The following RNF43 variants were observed in gnomAD, a reference collection of about 807,000 sequenced individuals.
RNF43 encodes the protein E3 ubiquitin-protein ligase RNF43.
RNF43 carries 37 observed loss-of-function variants against 78.4 expected under a neutral mutation model. The ratio of observed to expected loss-of-function variants is 0.47; its 90% CI spans 0.36 to 0.62. The LOEUF (loss-of-function observed/expected upper bound fraction) is 0.62. Ranked by LOEUF, RNF43 falls within the 20% of genes least tolerant of loss-of-function variation. The probability of loss-of-function intolerance (pLI) is 0.00; values close to 1 mark genes in which losing one functional copy is unlikely to be tolerated. For synonymous variants in RNF43, 347 were observed against 395.0 expected, an observed-to-expected ratio of 0.88 and a Z score of 1.44; for missense variants, 774 against 1,007.9, an observed-to-expected ratio of 0.77 and a Z score of 3.14.
rs184604359 is a variant in RNF43, at chr17:58,357,773, C to T, written c.2003G>A (p.Arg668Gln). The change falls in exon 9 of 10, where the codon CGG becomes CAG. Residue 668 changes from arginine (R) to glutamine (Q), a missense_variant. Physicochemically the swap from Arg to Gln is conservative, Grantham distance 43. Coordinates refer to ENST00000407977, the MANE Select transcript of RNF43 (RefSeq NM_017763.6). The surrounding 1 kb of genome is among the most constrained non-coding windows in gnomAD (Gnocchi z 4.5). ...GGPSEPTPGS[R>Q]PQDATVHPAC... The stretch of plus-strand genomic sequence containing the variant: ...TGGGTGCACAGTTGCATCCTGGGGC[C>T]GAGAGCCAGGGGTGGGCTCGGAGGG... The T allele has an allele frequency of 3.0e-5, 49 of 1,613,534 alleles. No homozygotes were observed. In the Admixed American group the frequency reaches 3.2e-4, roughly 10 times the overall value.
chr17:58,381,319 T>C (rs1462195401), intron 2 of RNF43, among the ~76,000 whole-genome samples: 2 of 152,234 alleles, frequency 1.3e-5, no homozygotes, highest in African/African-American at 2.4e-5. Context: ...GTGTTGGAGA[T>C]AGCCCAAGGG....
rs766349819 is a variant in RNF43 at position 58,357,316 on chromosome 17, T to TA, written c.2308+151dup. ...TGTTCCTGCACTCTAGCCAGCATGATACGCTGTCCCGATGGTTAAGTATTT... is the reference window on the plus strand; with the variant it reads ...TGTTCCTGCACTCTAGCCAGCATGATAACGCTGTCCCGATGGTTAAGTATTT... On this transcript the variant is annotated intron_variant, in intron 9 of 9. Transcript: ENST00000407977. The surrounding 1 kb of genome is among the most constrained non-coding windows in gnomAD (Gnocchi z 4.5). The TA allele has an allele frequency of 5.2e-6, 5 of 965,074 alleles. No homozygotes were observed. The highest frequency in any genetic ancestry group is 2.7e-5 in the South Asian group (2 of 74,296). The allele number at this position is 965,074 out of a possible 1,614,324, so 59.8% of individuals were successfully genotyped here. A position where few individuals can be genotyped will look rare whatever the true frequency, so the allele number is the denominator to read the frequency against.
intron 3 of RNF43, among the ~76,000 whole-genome samples, chr17:58,368,278 T>C (rs2143497867): frequency 6.6e-6 from 1 of 152,328 alleles, no homozygotes; most frequent in East Asian, 1.9e-4. Flanking sequence ...CTGGGTGCAG[T>C]GGCTCATGCC....
intron 2 of RNF43, among the ~76,000 whole-genome samples, chr17:58,376,956 T>A (rs770668628): frequency 6.6e-6 from 1 of 152,172 alleles, no homozygotes; most frequent in Non-Finnish European, 1.5e-5. Context: ...GCATACATAT[T>A]TTATACCCCC....
intron 2 of RNF43, among the ~76,000 whole-genome samples, chr17:58,409,371 T>G (rs1228537478): frequency 6.6e-6 from 1 of 152,156 alleles, no homozygotes; most frequent in Non-Finnish European, 1.5e-5. Flanking sequence ...CAATTCTGGT[T>G]CCTAACAGGA....
chr17:58,364,149 AC>A (rs1351167019), intron 3 of RNF43, among the ~76,000 whole-genome samples: 1 of 152,170 alleles, frequency 6.6e-6, no homozygotes, highest in African/African-American at 2.4e-5. Context: ...ACGCAAGGCC[AC>A]CATCACAAAG....
rs28628891 is a variant in RNF43 at position 58,390,078 on chromosome 17, C to A, written c.253-19045G>T. 1.2e-3 allele frequency among the ~76,000 whole-genome samples: 188 copies of A among 152,324 alleles called. 1 individual carries two copies. Among genetic ancestry groups the A allele is most frequent in the African/African-American group, 4.5e-3 (186 of 41,562 alleles). On this transcript the variant is annotated intron_variant, in intron 2 of 9. Coordinates refer to ENST00000407977, the MANE Select transcript of RNF43 (RefSeq NM_017763.6). ...GGCAGCATGTCCTCATCCTCAAGCT[C>A]TGCACTCTTTTATTTTATCCATGCT... is the stretch of plus-strand genomic sequence containing the variant.
In RNF43 at chr17:58,415,613, A is replaced by C. The variant is rs1273075481; in HGVS notation, c.-36T>G. Reference sequence around the variant, plus strand: ...GCAGCAATGCACTTCAACCATACATACTGCTTCCACTAGCTAATACCAAAT... The same window carrying C: ...GCAGCAATGCACTTCAACCATACATCCTGCTTCCACTAGCTAATACCAAAT... On this transcript the variant is annotated 5_prime_UTR_variant, in exon 2 of 10. Transcript: ENST00000407977. 36 of 1,598,372 alleles carry C rather than the reference A, an allele frequency of 2.3e-5. No individual in the cohort carries two copies. Among genetic ancestry groups the C allele is most frequent in the Middle Eastern group, 1.7e-4 (1 of 5,766 alleles).
At chr17:58,400,121 A>G (rs1368039115) in intron 2 of RNF43, among the ~76,000 whole-genome samples, 1 of 152,202 alleles carries the variant, frequency 6.6e-6, no homozygotes, top group Non-Finnish European at 1.5e-5. Context: ...AGTACGGAAC[A>G]GGCACACATA....
intron 2 of RNF43, among the ~76,000 whole-genome samples, chr17:58,373,621 G>T (rs1208663351): frequency 6.6e-6 from 1 of 152,138 alleles, no homozygotes; most frequent in Non-Finnish European, 1.5e-5. Context: ...ACATCATGGA[G>T]AATGGAATAT....
chr17:58,391,806 G>A (rs893600070), intron 2 of RNF43, among the ~76,000 whole-genome samples: 2 of 152,186 alleles, frequency 1.3e-5, no homozygotes, highest in Admixed American at 6.5e-5. Flanking sequence ...TGTCTCTCCA[G>A]AGGCCAAGCA....
intron 2 of RNF43, among the ~76,000 whole-genome samples, chr17:58,372,610 AATG>A (rs558541821): frequency 7.3e-4 from 111 of 152,344 alleles, no homozygotes; most frequent in Non-Finnish European, 1.3e-3. Context: ...GTGAGGAGCT[AATG>A]ATGAGTAAGA....
intron 2 of RNF43, among the ~76,000 whole-genome samples, chr17:58,405,081 T>TC (rs1973876400): frequency 7.3e-6 from 1 of 136,852 alleles, no homozygotes; most frequent in Admixed American, 7.1e-5. Flanking sequence ...TTTTTTTTTT[T>TC]TTTTTTTTTT....
chr17:58,399,885 C>T (rs1328629462), intron 2 of RNF43, among the ~76,000 whole-genome samples: 1 of 152,108 alleles, frequency 6.6e-6, no homozygotes, highest in Non-Finnish European at 1.5e-5. Context: ...CATGATCCAC[C>T]CGCCTCAGCC....
In RNF43 at chr17:58,354,479, T is replaced by C. The variant is rs1409335161; in HGVS notation, c.*464A>G. 3 of 259,764 alleles carry C rather than the reference T, an allele frequency of 1.2e-5. No individual in the cohort carries two copies. Among genetic ancestry groups the C allele is most frequent in the Non-Finnish European group, 2.3e-5 (3 of 131,616 alleles). 16.1% of individuals were successfully genotyped at this position (259,764 alleles called of 1,614,324 possible). A position where few individuals can be genotyped will look rare whatever the true frequency, so the allele number is the denominator to read the frequency against. Reference sequence around the variant, plus strand: ...CTTACTGTGGAGGGGCCAAAGCTGGTGTTCAGAGCTCACCCAAGGAGGGAG... The same window carrying C: ...CTTACTGTGGAGGGGCCAAAGCTGGCGTTCAGAGCTCACCCAAGGAGGGAG... On this transcript the variant is annotated 3_prime_UTR_variant, in exon 10 of 10. Coordinates refer to ENST00000407977, the MANE Select transcript of RNF43 (RefSeq NM_017763.6).
chr17:58,396,021 T>C (rs1973672228), intron 2 of RNF43, among the ~76,000 whole-genome samples: 3 of 152,216 alleles, frequency 2.0e-5, no homozygotes, highest in Non-Finnish European at 4.4e-5. Flanking sequence ...TGCAGAAAAC[T>C]GTCTCCAGAG....
chr17:58,375,389 T>C (rs895212439), intron 2 of RNF43, among the ~76,000 whole-genome samples: 5 of 152,188 alleles, frequency 3.3e-5, no homozygotes, highest in African/African-American at 1.2e-4. Context: ...GTTCCAGAAA[T>C]AATAACTTGT....
At chr17:58,370,883 G>A (rs2143513027) in intron 3 of RNF43, 28 bp downstream of exon 3, 2 of 1,549,652 alleles carry the variant, frequency 1.3e-6, no homozygotes, top group South Asian at 1.2e-5. Flanking sequence ...GAAGCTCCGG[G>A]TGTGTGTAGG....
Position 58,387,508 on chromosome 17 carries a change from G to A in RNF43, c.253-16475C>T, listed in dbSNP as rs191214903. 3.5e-4 allele frequency among the ~76,000 whole-genome samples: 53 copies of A among 151,908 alleles called. 1 individual carries two copies. In the East Asian group the frequency reaches 7.8e-3, roughly 22 times the overall value. The stretch of plus-strand genomic sequence containing the variant: ...TCTACTAAAAATACAAAAATTAGCC[G>A]GGCATGGTGGCAGGTGCCTGTAATC... On this transcript the variant is annotated intron_variant, in intron 2 of 9. Coordinates refer to ENST00000407977, the MANE Select transcript of RNF43 (RefSeq NM_017763.6).
Sources: gnomAD v4.1 joint callset for allele counts (sites outside exome capture counted in the v4.1 genomes callset) on GRCh38, gnomAD v4.1.1 for gene constraint, Gnocchi (gnomAD v3.1) non-coding constraint, MANE v1.5 for transcripts, NCBI Gene and HGNC (gene_info 2026-07-23, HGNC 2026-07-21) for gene names.